Variants in CACNA1C observed in about 807,000 individuals in gnomAD.
CACNA1C encodes the protein voltage-dependent L-type calcium channel subunit alpha-1C.
Under a neutral mutation model 229.0 loss-of-function variants are expected in CACNA1C, and 30 were observed. The observed-to-expected ratio is 0.13, with a 90% CI of 0.10 to 0.18. The LOEUF (loss-of-function observed/expected upper bound fraction) is 0.18. Ranked by LOEUF, CACNA1C falls within the 10% of genes least tolerant of loss-of-function variation. The pLI, the probability that CACNA1C is intolerant of heterozygous loss-of-function variation, is 1.00. For synonymous variants in CACNA1C, 1,114 were observed against 1,132.5 expected (o/e 0.98, Z 0.33); for missense variants, 1,658 against 2,845.0 (o/e 0.58, Z 9.49).
At chr12:2,664,030 G>A (rs1217961340) in intron 34 of CACNA1C, among the ~76,000 whole-genome samples, 11 of 152,264 alleles carry the variant, frequency 7.2e-5, no homozygotes, top group South Asian at 2.1e-4. Flanking sequence ...GTGAGCCACC[G>A]CGCCCGGCCA....
intron 3 of CACNA1C, among the ~76,000 whole-genome samples, chr12:2,136,199 A>G (rs903130476): frequency 1.3e-5 from 2 of 150,774 alleles, no homozygotes; most frequent in African/African-American, 4.9e-5. Flanking sequence ...ACTGTCTGGC[A>G]CTCCCTAGTG....
chr12:2,158,854 TG>T (rs1383308678), intron 3 of CACNA1C, among the ~76,000 whole-genome samples: 1 of 152,072 alleles, frequency 6.6e-6, no homozygotes, highest in East Asian at 1.9e-4. Context: ...ATCCCGGAAA[TG>T]GGGGCCAACA....
intron 9 of CACNA1C, among the ~76,000 whole-genome samples, chr12:2,542,069 G>A (rs760711902): frequency 8.5e-5 from 13 of 152,200 alleles, no homozygotes; most frequent in African/African-American, 3.1e-4. Context: ...CGAGAGTACA[G>A]CAGCGGGCAC....
intron 7 of CACNA1C, among the ~76,000 whole-genome samples, chr12:2,498,334 G>A (rs887606401): frequency 1.3e-5 from 2 of 152,116 alleles, no homozygotes; most frequent in African/African-American, 4.8e-5. Context: ...ACCTGCCTCC[G>A]TGCTACCCCC....
intron 3 of CACNA1C, among the ~76,000 whole-genome samples, chr12:2,382,934 C>G (rs1378172228): frequency 6.6e-6 from 1 of 152,088 alleles, no homozygotes; most frequent in Non-Finnish European, 1.5e-5. Context: ...TCACTGGGAT[C>G]AGAGCTGGGA....
intron 18 of CACNA1C, among the ~76,000 whole-genome samples, chr12:2,586,576 C>T (rs1424841813): frequency 5.3e-5 from 8 of 152,196 alleles, no homozygotes; most frequent in Admixed American, 1.3e-4. Flanking sequence ...CAGATATTAT[C>T]GCCAGTTTCA....
In CACNA1C at chr12:2,172,568, G is replaced by A. The variant is rs114775193; in HGVS notation, c.477+52138G>A. ...AATATGTCCAAATATCCTACATTAG[G>A]AAGAAAGGAGGACCCACGGAGAAGT... On this transcript the variant is annotated intron_variant, in intron 3 of 46. Transcript: ENST00000399655. Among the ~76,000 whole-genome samples, 484 of 152,298 alleles carry A rather than the reference G, an allele frequency of 3.2e-3. 1 individual carries two copies. The highest frequency in any genetic ancestry group is 0.011 in the African/African-American group (463 of 41,548).
chr12:2,114,498 A>G (rs2083045907), intron 1 of CACNA1C, among the ~76,000 whole-genome samples: 1 of 152,188 alleles, frequency 6.6e-6, no homozygotes, highest in African/African-American at 2.4e-5. Context: ...TTCTCAATGA[A>G]AAGGGATGTC....
chr12:2,229,370 C>T (rs1160258291), intron 3 of CACNA1C, among the ~76,000 whole-genome samples: 4 of 152,026 alleles, frequency 2.6e-5, no homozygotes, highest in Non-Finnish European at 4.4e-5. Context: ...TATACATATG[C>T]GTTTGTATAT....
At chr12:2,230,470 G>A (rs930589969) in intron 3 of CACNA1C, among the ~76,000 whole-genome samples, 14 of 152,232 alleles carry the variant, frequency 9.2e-5, no homozygotes, top group Non-Finnish European at 1.5e-4. Context: ...AAGAGACTGA[G>A]AACTTAAAAG....
chr12:2,138,861 A>G (rs747088872), intron 3 of CACNA1C, among the ~76,000 whole-genome samples: 16 of 150,556 alleles, frequency 1.1e-4, no homozygotes, highest in Non-Finnish European at 1.5e-4. Flanking sequence ...GACTTAGACA[A>G]TCCCCAAGGC....
chr12:2,271,987 A>G (rs2085235630), intron 3 of CACNA1C, among the ~76,000 whole-genome samples: 1 of 152,216 alleles, frequency 6.6e-6, no homozygotes, highest in Admixed American at 6.5e-5. Flanking sequence ...TTCAAGAAGC[A>G]TACTCTTCTG....
chr12:2,615,090 A>G (rs1167534470), intron 29 of CACNA1C: 2 of 152,198 alleles, frequency 1.3e-5, no homozygotes, highest in Non-Finnish European at 2.9e-5. Context: ...AGTGAGGTGG[A>G]TCATGCCAGC....
intron 3 of CACNA1C, among the ~76,000 whole-genome samples, chr12:2,158,447 C>T (rs1334492978): frequency 6.6e-6 from 1 of 151,902 alleles, no homozygotes; most frequent in Non-Finnish European, 1.5e-5. Flanking sequence ...CTTGGTGGTA[C>T]GTGCCTGTAG....
At chr12:2,136,772 G>A (rs1596964568) in intron 3 of CACNA1C, among the ~76,000 whole-genome samples, 2 of 151,388 alleles carry the variant, frequency 1.3e-5, no homozygotes, top group East Asian at 3.9e-4. Context: ...TGGCTTTGAG[G>A]CCATATTTTC....
Position 2,677,993 on chromosome 12 carries a change from C to A in CACNA1C, c.5091+126C>A, listed in dbSNP as rs574772714. 5 of 1,125,766 alleles carry A rather than the reference C, an allele frequency of 4.4e-6. No homozygotes were observed. Among genetic ancestry groups the A allele is most frequent in the Admixed American group, 3.9e-5 (2 of 51,068 alleles). 69.7% of individuals were successfully genotyped at this position (1,125,766 alleles called of 1,614,324 possible). A position where few individuals can be genotyped will look rare whatever the true frequency, so the allele number is the denominator to read the frequency against. Reference sequence around the variant, plus strand: ...ACCAGAGGAAAGGGCTACTTCCAGGCTCTTCCTGATGAGCTGTCTCCTCAC... The same window carrying A: ...ACCAGAGGAAAGGGCTACTTCCAGGATCTTCCTGATGAGCTGTCTCCTCAC... On this transcript the variant is annotated intron_variant, in intron 41 of 46. Coordinates refer to ENST00000399655, the MANE Select transcript of CACNA1C (RefSeq NM_000719.7). This position sits in a 1 kb window ranked among gnomAD's most constrained non-coding sequence, Gnocchi z 7.4.
chr12:2,691,220 CTTTT>C lies in CACNA1C; in HGVS notation c.*26_*29del, dbSNP rs753631325. The C allele has an allele frequency of 2.6e-6, 4 of 1,517,678 alleles. No individual in the cohort carries two copies. The highest frequency in any genetic ancestry group is 3.5e-6 in the Non-Finnish European group (4 of 1,135,158). 94.0% of individuals were successfully genotyped at this position (1,517,678 alleles called of 1,614,324 possible). ...TGTAGTGGGCGCTGCCAGATGCGGGCTTTTTTTTATTTGTTTCAATGTTCCTAAT... is the reference window on the plus strand; with the variant it reads ...TGTAGTGGGCGCTGCCAGATGCGGGCTTTTATTTGTTTCAATGTTCCTAAT... On this transcript the variant is annotated 3_prime_UTR_variant, in exon 47 of 47. Transcript: ENST00000399655.
At chr12:2,536,521 A>T (rs2099855834) in intron 9 of CACNA1C, among the ~76,000 whole-genome samples, 1 of 152,122 alleles carries the variant, frequency 6.6e-6, no homozygotes, top group South Asian at 2.1e-4. Flanking sequence ...GGACCTTAAC[A>T]TTCTCACCTA....
In CACNA1C at chr12:2,420,145, G is replaced by GTGTC. The variant is rs1260767453; in HGVS notation, c.478-28828_478-28827insCTGT. On this transcript the variant is annotated intron_variant, in intron 3 of 46. Transcript: ENST00000399655. Reference sequence around the variant, plus strand: ...TGTGTGTGTGTGTGTGTGTGTGTGTGTGTAGGGGGAGGGAGCATTCAACAG... The same window carrying GTGTC: ...TGTGTGTGTGTGTGTGTGTGTGTGTGTGTCTGTAGGGGGAGGGAGCATTCAACAG... Among the ~76,000 whole-genome samples, 232 of 150,290 alleles carry GTGTC rather than the reference G, an allele frequency of 1.5e-3. 3 individuals are homozygous for GTGTC. The highest frequency in any genetic ancestry group is 4.0e-3 in the African/African-American group (164 of 40,678).
Sources: gnomAD v4.1 joint callset for allele counts (sites outside exome capture counted in the v4.1 genomes callset) on GRCh38, gnomAD v4.1.1 for gene constraint, Gnocchi (gnomAD v3.1) non-coding constraint, MANE v1.5 for transcripts, NCBI Gene and HGNC (gene_info 2026-07-23, HGNC 2026-07-21) for gene names.